The following CCSER1 variants were observed in gnomAD, a reference collection of about 807,000 sequenced individuals.
The protein encoded by CCSER1 is coiled-coil serine rich protein 1.
CCSER1 carries 41 observed loss-of-function variants against 82.0 expected under a neutral mutation model. That is an observed-to-expected ratio of 0.50 (90% CI 0.39 to 0.65). CCSER1 has a LOEUF of 0.65. CCSER1 is among the 30% of genes least tolerant of loss of function. CCSER1 has a pLI of 0.00. For synonymous variants in CCSER1, 414 were observed against 383.9 expected (o/e 1.08, Z -0.92); for missense variants, 1,119 against 1,064.2 (o/e 1.05, Z -0.72).
In CCSER1 at chr4:90,728,604, G is replaced by A. The variant is rs146617196; in HGVS notation, c.2010+4613G>A. Reference sequence around the variant, plus strand: ...AATTCCAGCACTTTGGGAAGCTGAGGCAGGAGGTTCGCTTGAGCTCAGGAA... The same window carrying A: ...AATTCCAGCACTTTGGGAAGCTGAGACAGGAGGTTCGCTTGAGCTCAGGAA... On this transcript the variant is annotated intron_variant, in intron 7 of 10. Coordinates refer to ENST00000509176, the MANE Select transcript of CCSER1 (RefSeq NM_001145065.2). 8.5e-5 allele frequency among the ~76,000 whole-genome samples: 13 copies of A among 152,226 alleles called. No individual in the cohort carries two copies. In the East Asian group the frequency reaches 2.3e-3, roughly 27 times the overall value.
chr4:91,452,640 T>G (rs1430550032), intron 10 of CCSER1, among the ~76,000 whole-genome samples: 2 of 152,050 alleles, frequency 1.3e-5, no homozygotes. Context: ...CTATAGAAGC[T>G]AAAGATGGAA....
chr4:90,775,994 G>A (rs1580412027), intron 7 of CCSER1, among the ~76,000 whole-genome samples: 1 of 151,664 alleles, frequency 6.6e-6, no homozygotes, highest in South Asian at 2.1e-4. Context: ...CTAGTTGTAC[G>A]GCCTTGAGAC....
At chr4:91,467,355 A>G (rs570633018) in intron 10 of CCSER1, among the ~76,000 whole-genome samples, 27 of 152,320 alleles carry the variant, frequency 1.8e-4, no homozygotes, top group African/African-American at 6.3e-4. Context: ...TTAATTCAAG[A>G]TGGATTAAAG....
chr4:90,738,645 G>A (rs142766870), intron 7 of CCSER1, among the ~76,000 whole-genome samples: 1 of 152,098 alleles, frequency 6.6e-6, no homozygotes, highest in East Asian at 1.9e-4. Flanking sequence ...GCTATCACCT[G>A]TGTTCACTCA....
intron 10 of CCSER1, among the ~76,000 whole-genome samples, chr4:91,221,636 C>T (rs963285484): frequency 2.0e-5 from 3 of 152,144 alleles, no homozygotes; most frequent in Middle Eastern, 3.4e-3. Context: ...ACATATAGTT[C>T]GAACTGATCT....
At chr4:91,377,931 G>C (rs146004727) in intron 10 of CCSER1, among the ~76,000 whole-genome samples, 1,909 of 152,242 alleles carry the variant, frequency 0.013, 26 homozygotes, top group African/African-American at 0.041. Flanking sequence ...TTTGTATAAG[G>C]TGTAAGGAAG....
intron 10 of CCSER1, among the ~76,000 whole-genome samples, chr4:91,219,938 A>C (rs17269164): frequency 0.13 from 19,306 of 152,146 alleles, 1,368 homozygotes; most frequent in Middle Eastern, 0.18. Flanking sequence ...CTTTCATTTG[A>C]CCAGTGTTTT....
intron 8 of CCSER1, among the ~76,000 whole-genome samples, chr4:90,824,354 G>A (rs1760147014): frequency 6.6e-6 from 1 of 151,952 alleles, no homozygotes; most frequent in East Asian, 1.9e-4. Context: ...ACTGAATAAA[G>A]GCACTTGTAG....
At chr4:90,275,644 A>C (rs910801065) in intron 1 of CCSER1, among the ~76,000 whole-genome samples, 6 of 152,178 alleles carry the variant, frequency 3.9e-5, no homozygotes, top group African/African-American at 1.4e-4. Flanking sequence ...GTGTGGTTGC[A>C]TAGATTGTAT....
At chr4:90,596,249 A>C (rs2148720162) in intron 5 of CCSER1, among the ~76,000 whole-genome samples, 1 of 152,084 alleles carries the variant, frequency 6.6e-6, no homozygotes, top group African/African-American at 2.4e-5. Context: ...TGAAAATATT[A>C]AAATCAAGTC....
chr4:91,148,694 C>G (rs1047407296), intron 10 of CCSER1, among the ~76,000 whole-genome samples: 4 of 152,106 alleles, frequency 2.6e-5, no homozygotes, highest in Non-Finnish European at 5.9e-5. Flanking sequence ...TCCAAATGTT[C>G]TCATTGTTCA....
intron 10 of CCSER1, among the ~76,000 whole-genome samples, chr4:91,308,314 G>A (rs1347871714): frequency 2.6e-5 from 4 of 151,882 alleles, no homozygotes; most frequent in Non-Finnish European, 5.9e-5. Flanking sequence ...AAGGCACAAA[G>A]AAAAAGAGTA....
At chr4:90,226,161 G>A (rs1236888166) in intron 1 of CCSER1, among the ~76,000 whole-genome samples, 1 of 152,204 alleles carries the variant, frequency 6.6e-6, no homozygotes, top group Non-Finnish European at 1.5e-5. Flanking sequence ...AGCCCCAAAT[G>A]AGTGTGCAGA....
chr4:91,226,597 A>T (rs967767934), intron 10 of CCSER1, among the ~76,000 whole-genome samples: 3 of 151,944 alleles, frequency 2.0e-5, no homozygotes, highest in Admixed American at 2.0e-4. Context: ...GGAATCGTAT[A>T]TGCTAAATAA....
intron 10 of CCSER1, among the ~76,000 whole-genome samples, chr4:91,095,847 C>G (rs1021751044): frequency 6.6e-6 from 1 of 151,916 alleles, no homozygotes; most frequent in South Asian, 2.1e-4. Flanking sequence ...AGGGTCTGTT[C>G]CTGGCAGAAC....
chr4:91,273,703 A>T (rs572141066), intron 10 of CCSER1, among the ~76,000 whole-genome samples: 89 of 152,198 alleles, frequency 5.8e-4, no homozygotes, highest in African/African-American at 2.0e-3. Flanking sequence ...GGAGTGCTTT[A>T]AACTTTTCTC....
At chr4:90,192,040 T>C (rs1334018968) in intron 1 of CCSER1, among the ~76,000 whole-genome samples, 1 of 152,048 alleles carries the variant, frequency 6.6e-6, no homozygotes. Flanking sequence ...TGTGTATTAG[T>C]CCGTTTTCAC....
intron 9 of CCSER1, among the ~76,000 whole-genome samples, chr4:91,081,789 A>G (rs1722786288): frequency 6.6e-6 from 1 of 152,220 alleles, no homozygotes. Context: ...AGAGTGCCAA[A>G]TTATGAGTGA....
At chr4:90,860,101 A>G (rs1473100673) in intron 8 of CCSER1, among the ~76,000 whole-genome samples, 1 of 151,732 alleles carries the variant, frequency 6.6e-6, no homozygotes. Context: ...AAAATCATGT[A>G]TCTGATAAGA....
Sources: gnomAD v4.1 joint callset for allele counts (sites outside exome capture counted in the v4.1 genomes callset) on GRCh38, gnomAD v4.1.1 for gene constraint, MANE v1.5 for transcripts, NCBI Gene and HGNC (gene_info 2026-07-23, HGNC 2026-07-21) for gene names.